The following NECAB1 variants were observed in gnomAD, a reference collection of about 807,000 sequenced individuals.
NECAB1 encodes N-terminal EF-hand calcium binding protein 1.
A neutral mutation model predicts 57.5 loss-of-function variants in NECAB1; 29 were observed. The ratio of observed to expected loss-of-function variants is 0.50; its 90% CI spans 0.38 to 0.69. NECAB1 has a LOEUF of 0.69. NECAB1 is among the 30% of genes least tolerant of loss of function. The pLI, the probability that NECAB1 is intolerant of heterozygous loss-of-function variation, is 0.00. For synonymous variants in NECAB1, 142 were observed against 147.7 expected (o/e 0.96, Z 0.28); for missense variants, 372 against 413.8 (o/e 0.90, Z 0.88).
At chr8:90,913,663 AC>A (rs1384801212) in intron 5 of NECAB1, among the ~76,000 whole-genome samples, 2 of 152,176 alleles carry the variant, frequency 1.3e-5, no homozygotes, top group African/African-American at 4.8e-5. Context: ...TACCTTCGCT[AC>A]CAACACATTT....
At chr8:90,893,369 G>A (rs1809235952) in intron 5 of NECAB1, among the ~76,000 whole-genome samples, 3 of 151,964 alleles carry the variant, frequency 2.0e-5, no homozygotes, top group South Asian at 2.1e-4. Flanking sequence ...CTGTATCACC[G>A]ACAGCTACTA....
chr8:90,906,448 A>T (rs541769490), intron 5 of NECAB1, among the ~76,000 whole-genome samples: 2 of 152,228 alleles, frequency 1.3e-5, no homozygotes, highest in South Asian at 4.1e-4. Flanking sequence ...ACCTTGACTC[A>T]TCCTCTGTTC....
chr8:90,795,952 C>A (rs1811654460), intron 1 of NECAB1, among the ~76,000 whole-genome samples: 1 of 152,140 alleles, frequency 6.6e-6, no homozygotes, highest in African/African-American at 2.4e-5. Context: ...TATGTAACAA[C>A]CCTGCACATC....
chr8:90,849,912 T>C (rs1461389039), intron 3 of NECAB1, among the ~76,000 whole-genome samples: 1 of 152,180 alleles, frequency 6.6e-6, no homozygotes, highest in Non-Finnish European at 1.5e-5. Flanking sequence ...TGTAATAAAA[T>C]TATCTGCTTT....
chr8:90,879,478 C>G (rs1485289306), intron 4 of NECAB1, among the ~76,000 whole-genome samples: 1 of 152,004 alleles, frequency 6.6e-6, no homozygotes, highest in African/African-American at 2.4e-5. Context: ...TGTCTATTTG[C>G]ATTTAAAACC....
intron 3 of NECAB1, among the ~76,000 whole-genome samples, chr8:90,871,875 T>G (rs1586073507): frequency 6.6e-6 from 1 of 152,152 alleles, no homozygotes; most frequent in Admixed American, 6.5e-5. Context: ...TTTACCAATA[T>G]GCATTCTTTT....
At chr8:90,880,828 T>C (rs1291898377) in intron 4 of NECAB1, among the ~76,000 whole-genome samples, 1 of 152,184 alleles carries the variant, frequency 6.6e-6, no homozygotes, top group African/African-American at 2.4e-5. Context: ...ATGGTAATCA[T>C]TCAGATTTCC....
At chr8:90,821,129 G>C (rs190416108) in intron 2 of NECAB1, among the ~76,000 whole-genome samples, 1 of 151,566 alleles carries the variant, frequency 6.6e-6, no homozygotes, top group Non-Finnish European at 1.5e-5. Flanking sequence ...AGCCCCCATC[G>C]CCCATTGACT....
At chr8:90,879,078 TTATATATATTA>T (rs946094555) in intron 4 of NECAB1, among the ~76,000 whole-genome samples, 15 of 132,262 alleles carry the variant, frequency 1.1e-4, no homozygotes, top group African/African-American at 4.9e-4. Flanking sequence ...ATAATATATA[TTATATATATTA>T]TATATATAAT....
intron 5 of NECAB1, among the ~76,000 whole-genome samples, chr8:90,896,397 G>A (rs1460371642): frequency 2.0e-5 from 3 of 152,136 alleles, no homozygotes; most frequent in Non-Finnish European, 4.4e-5. Flanking sequence ...AAGGTCAGGA[G>A]ATCGAGACCA....
chr8:90,791,801 C>G lies in NECAB1; in HGVS notation c.-86C>G. On this transcript the variant is annotated 5_prime_UTR_variant, in exon 1 of 13. Coordinates refer to ENST00000417640, the MANE Select transcript of NECAB1 (RefSeq NM_022351.5). The stretch of plus-strand genomic sequence containing the variant: ...TCCCGGATCCAGAGCCCGGCGGCGG[C>G]GAAGCAGCAGCTGCGGCCGCGCCCT... 1 of 1,107,706 alleles carries G rather than the reference C, an allele frequency of 9.0e-7. No homozygotes were observed. Among genetic ancestry groups the G allele is most frequent in the East Asian group, 2.7e-5 (1 of 36,882 alleles). 68.6% of individuals were successfully genotyped at this position (1,107,706 alleles called of 1,614,324 possible). A position where few individuals can be genotyped will look rare whatever the true frequency, so the allele number is the denominator to read the frequency against.
chr8:90,832,279 C>T (rs1812309107), intron 3 of NECAB1, among the ~76,000 whole-genome samples: 1 of 152,310 alleles, frequency 6.6e-6, no homozygotes, highest in South Asian at 2.1e-4. Flanking sequence ...ACTACCATCT[C>T]CTTCTAAATC....
chr8:90,919,802 C>T (rs1482263669), intron 6 of NECAB1, among the ~76,000 whole-genome samples: 2 of 152,092 alleles, frequency 1.3e-5, no homozygotes, highest in Non-Finnish European at 2.9e-5. Context: ...TGGGAACTCC[C>T]TTTTTAGAAT....
chr8:90,819,852 CT>C (rs1044716218), intron 2 of NECAB1, among the ~76,000 whole-genome samples: 1 of 151,746 alleles, frequency 6.6e-6, no homozygotes, highest in Non-Finnish European at 1.5e-5. Flanking sequence ...GAGAGTAGAT[CT>C]TTTTTTAGGG....
chr8:90,914,085 G>A (rs375636953), intron 5 of NECAB1, among the ~76,000 whole-genome samples: 54 of 152,244 alleles, frequency 3.5e-4, no homozygotes, highest in African/African-American at 1.2e-3. Context: ...TCTCCATGTG[G>A]GACCCGGTTT....
chr8:90,886,452 C>T (rs566723101), intron 5 of NECAB1, among the ~76,000 whole-genome samples: 2 of 152,238 alleles, frequency 1.3e-5, no homozygotes, highest in South Asian at 2.1e-4. Flanking sequence ...ATTATTAACA[C>T]GTTATCTTAA....
chr8:90,942,044 T>C (rs1563543829), intron 10 of NECAB1, among the ~76,000 whole-genome samples: 1 of 152,226 alleles, frequency 6.6e-6, no homozygotes, highest in East Asian at 1.9e-4. Context: ...GTTTTGCTTT[T>C]CCTCTCAGTG....
intron 3 of NECAB1, among the ~76,000 whole-genome samples, chr8:90,842,089 GC>G (rs1812465256): frequency 6.6e-6 from 1 of 152,152 alleles, no homozygotes; most frequent in African/African-American, 2.4e-5. Context: ...TGGATGCTGG[GC>G]TTAATGCCTG....
rs1338200889 is a variant in NECAB1, at chr8:90,884,235, C to G, written c.357+3105C>G. The stretch of plus-strand genomic sequence containing the variant: ...CTTGAATCCTAGCACTGCCGGGCCT[C>G]TGCCTCTCTCTTACTCTCCTACATC... On this transcript the variant is annotated intron_variant, in intron 5 of 12. Coordinates refer to ENST00000417640, the MANE Select transcript of NECAB1 (RefSeq NM_022351.5). Among the ~76,000 whole-genome samples the G allele has an allele frequency of 3.9e-5, 6 of 152,326 alleles. No homozygotes were observed. The South Asian group carries it at 1.0e-3, about 26-fold the overall frequency.
Sources: allele counts gnomAD v4.1 joint callset (sites outside exome capture counted in the v4.1 genomes callset), GRCh38; gene constraint gnomAD v4.1.1; transcripts MANE v1.5; gene names NCBI Gene and HGNC (gene_info 2026-07-23, HGNC 2026-07-21).